Variants in FIGNL2 observed in about 807,000 individuals in gnomAD.
The protein encoded by FIGNL2 is fidgetin-like protein 2.
For missense variants in FIGNL2, 1,060 were observed against 950.2 expected, an observed-to-expected ratio of 1.12 and a Z score of -1.52; for synonymous variants, 565 against 484.0, an observed-to-expected ratio of 1.17 and a Z score of -2.20.
At chr12:51,841,212 A>C (rs1403716843) in intron 1 of FIGNL2, among the ~76,000 whole-genome samples, 2 of 150,342 alleles carry the variant, frequency 1.3e-5, no homozygotes, top group Non-Finnish European at 2.9e-5. Context: ...CTGCAGGGCC[A>C]CAGGAACACA....
rs1362618764 is a variant in FIGNL2, at chr12:51,820,787, C to G, written c.1627G>C (p.Glu543Gln). The change falls in exon 2 of 2, where the codon GAG (glutamate) becomes CAG (glutamine). Residue 543 changes from glutamate (E) to glutamine (Q), a missense_variant. Glu to Gln is a conservative substitution (Grantham distance 29, BLOSUM62 2). Transcript: ENST00000618634. ...AGAGAGAAGCGCCGGCGGGTCGCCT[C>G]GTCCAGAGCCGCGGGCCGCGAGGTG... ...GTTSRPAALD[E>Q]ATRRRFSLRF... 3 of 1,476,272 alleles carry G rather than the reference C, an allele frequency of 2.0e-6. No individual in the cohort carries two copies. Among genetic ancestry groups the G allele is most frequent in the African/African-American group, 2.9e-5 (2 of 68,212 alleles). The allele number at this position is 1,476,272 out of a possible 1,614,324, so 91.4% of individuals were successfully genotyped here.
At chr12:51,848,426 C>G (rs1391110160) in intron 1 of FIGNL2, 114 bp downstream of exon 1, 1 of 982,486 alleles carries the variant, frequency 1.0e-6, no homozygotes, top group Non-Finnish European at 1.2e-6. Flanking sequence ...CCGCGACTAG[C>G]AGCCCCCGCC....
At chr12:51,835,788 C>T (rs1020033821) in intron 1 of FIGNL2, among the ~76,000 whole-genome samples, 4 of 149,810 alleles carry the variant, frequency 2.7e-5, no homozygotes, top group African/African-American at 9.8e-5. Flanking sequence ...AGGTAGACTT[C>T]CTGCGGATCT....
At chr12:51,827,297 G>A (rs1188628683) in intron 1 of FIGNL2, among the ~76,000 whole-genome samples, 2 of 152,366 alleles carry the variant, frequency 1.3e-5, no homozygotes, top group East Asian at 3.9e-4. Context: ...TTGAATCCCA[G>A]AGACCTAATT....
intron 1 of FIGNL2, among the ~76,000 whole-genome samples, chr12:51,829,858 AAG>A (rs1305632197): frequency 1.3e-5 from 2 of 152,144 alleles, no homozygotes; most frequent in African/African-American, 4.8e-5. Context: ...AAAGGAAAAA[AAG>A]GAATGAAAGA....
intron 1 of FIGNL2, among the ~76,000 whole-genome samples, chr12:51,827,996 C>T (rs1433005301): frequency 6.6e-6 from 1 of 152,196 alleles, no homozygotes; most frequent in Non-Finnish European, 1.5e-5. Flanking sequence ...AACCACTTGC[C>T]TATAAGGGCT....
chr12:51,832,376 T>C (rs1939488894), intron 1 of FIGNL2, among the ~76,000 whole-genome samples: 1 of 152,064 alleles, frequency 6.6e-6, no homozygotes, highest in Admixed American at 6.6e-5. Context: ...TTGCTTGTTT[T>C]TACCTTTTCT....
intron 1 of FIGNL2, among the ~76,000 whole-genome samples, chr12:51,830,458 T>TA (rs1374806730): frequency 3.9e-4 from 59 of 151,202 alleles, no homozygotes; most frequent in Admixed American, 2.4e-3. Flanking sequence ...CATTTTTATT[T>TA]AAAAAAAGAA....
intron 1 of FIGNL2, among the ~76,000 whole-genome samples, chr12:51,830,348 A>G (rs967158414): frequency 1.3e-5 from 2 of 152,086 alleles, no homozygotes; most frequent in East Asian, 3.9e-4. Flanking sequence ...TCTTACCACA[A>G]ATAAGTATGT....
chr12:51,832,705 G>C (rs1023317565), intron 1 of FIGNL2, among the ~76,000 whole-genome samples: 3 of 152,100 alleles, frequency 2.0e-5, no homozygotes, highest in Admixed American at 2.0e-4. Context: ...CATCACCTGT[G>C]TATTGATGTT....
intron 1 of FIGNL2, among the ~76,000 whole-genome samples, chr12:51,830,636 C>A (rs552826201): frequency 6.0e-5 from 9 of 151,260 alleles, no homozygotes; most frequent in Non-Finnish European, 1.0e-4. Context: ...GGATTACAGG[C>A]GCCCACCACT....
chr12:51,839,577 C>T (rs568710194), intron 1 of FIGNL2, among the ~76,000 whole-genome samples: 2 of 152,334 alleles, frequency 1.3e-5, no homozygotes, highest in South Asian at 4.1e-4. Flanking sequence ...GTTAACCCTT[C>T]AGCCTGGCAC....
intron 1 of FIGNL2, among the ~76,000 whole-genome samples, chr12:51,834,676 A>G (rs1240816486): frequency 5.3e-5 from 8 of 152,166 alleles, no homozygotes; most frequent in Non-Finnish European, 7.3e-5. Context: ...GGCTCTGTGT[A>G]CGCGTGCACA....
rs554658407 is a variant in FIGNL2, at chr12:51,837,536, C to T, written c.-12+11004G>A. Among the ~76,000 whole-genome samples, 17 of 152,262 alleles carry T rather than the reference C, an allele frequency of 1.1e-4. No homozygotes were observed. The East Asian group carries it at 3.3e-3, about 29-fold the overall frequency. On this transcript the variant is annotated intron_variant, in intron 1 of 1. Coordinates refer to ENST00000618634, the MANE Select transcript of FIGNL2 (RefSeq NM_001384995.1). ...ACAGCTCCTTTTTTCTCTTGTGTTG[C>T]CCTGGGGCCGCCAGGCCCGACTGCA... is the stretch of plus-strand genomic sequence containing the variant.
At chr12:51,836,075 C>T (rs303791) in intron 1 of FIGNL2, among the ~76,000 whole-genome samples, 137,468 of 152,180 alleles carry the variant, frequency 0.9, 62,966 homozygotes, top group Non-Finnish European at 0.98. Context: ...CCTCCCAAAG[C>T]GCTGGGATTA....
intron 1 of FIGNL2, chr12:51,847,258 G>T: frequency 6.1e-6 from 6 of 985,410 alleles, no homozygotes; most frequent in Non-Finnish European, 7.2e-6. Context: ...AGAGGGTTTC[G>T]CACCGTGGCA....
rs370097683 is a variant in FIGNL2 at position 51,823,219 on chromosome 12, A to G, written c.-11-795T>C. 1.2e-3 allele frequency among the ~76,000 whole-genome samples: 180 copies of G among 152,306 alleles called. 2 individuals carry two copies. Among genetic ancestry groups the G allele is most frequent in the East Asian group, 0.012 (60 of 5,180 alleles). ...TTTATTCCCAATAGGTCTCACCACA[A>G]TACAAAAATATGTAGAATAAATAGG... is the stretch of plus-strand genomic sequence containing the variant. On this transcript the variant is annotated intron_variant, in intron 1 of 1. Coordinates refer to ENST00000618634, the MANE Select transcript of FIGNL2 (RefSeq NM_001384995.1).
At chr12:51,844,780 T>A in intron 1 of FIGNL2, 1 of 985,008 alleles carries the variant, frequency 1.0e-6, no homozygotes, top group Non-Finnish European at 1.2e-6. Context: ...TAGTCAGAGA[T>A]GAGATGACCA....
intron 1 of FIGNL2, among the ~76,000 whole-genome samples, chr12:51,841,194 C>T (rs987100803): frequency 1.3e-5 from 2 of 152,118 alleles, no homozygotes; most frequent in African/African-American, 4.8e-5. Context: ...GGGGGTGGCC[C>T]CCTACACCTG....
Sources: gnomAD v4.1 joint callset for allele counts (sites outside exome capture counted in the v4.1 genomes callset) on GRCh38, gnomAD v4.1.1 for gene constraint, MANE v1.5 for transcripts, NCBI Gene and HGNC (gene_info 2026-07-23, HGNC 2026-07-21) for gene names.